Variants in ABCA3 observed in about 807,000 individuals in gnomAD.
ABCA3 encodes phospholipid-transporting ATPase ABCA3.
A neutral mutation model predicts 172.8 loss-of-function variants in ABCA3; 88 were observed. The ratio of observed to expected loss-of-function variants is 0.51; its 90% CI spans 0.43 to 0.61. ABCA3 has a LOEUF of 0.61. Among genes scored for constraint, ABCA3 ranks in the 20% least tolerant of loss-of-function variants. The pLI is 0.00. For synonymous variants in ABCA3, 1,066 were observed against 983.8 expected, an observed-to-expected ratio of 1.08 and a Z score of -1.56; for missense variants, 2,164 against 2,301.0, an observed-to-expected ratio of 0.94 and a Z score of 1.22.
rs778223758 is a variant in ABCA3 at position 2,308,617 on chromosome 16, A to T, written c.1118T>A (p.Met373Lys). The T allele has an allele frequency of 1.9e-6, 3 of 1,614,020 alleles. No homozygotes were observed. The highest frequency in any genetic ancestry group is 1.7e-6 in the Non-Finnish European group (2 of 1,179,946). ...GAGGAAGCCTCCGAAGGCTGCTGCC[A>T]TGTTGGCTGCAGGTGTTGGAAGACC... ...MVSTFFSKANMAAAFGGFLYF... is the reference protein window; with the variant it reads ...MVSTFFSKANKAAAFGGFLYF... The change falls in exon 11 of 33, where the codon ATG becomes AAG. Residue 373 changes from methionine to lysine, a missense_variant. Physicochemically the swap from Met to Lys is moderately conservative, Grantham distance 95. Around this residue, in one of 3 missense-constraint regions of ABCA3, gnomAD observed 1,343 missense variants for 1,369.6 expected, o/e 0.98. Coordinates refer to ENST00000301732, the MANE Select transcript of ABCA3 (RefSeq NM_001089.3).
intron 13 of ABCA3, 142 bp from the exon 14 acceptor site, chr16:2,299,674 G>C: frequency 7.5e-7 from 1 of 1,340,430 alleles, no homozygotes; most frequent in Non-Finnish European, 1.1e-6. Flanking sequence ...GGGACGTTTC[G>C]GGCAGATGCT....
At chr16:2,328,336 C>A in intron 3 of ABCA3, 117 bp downstream of exon 3, 3 of 335,544 alleles carry the variant, frequency 8.9e-6, no homozygotes, top group South Asian at 6.9e-5. Context: ...TCGAGACCAG[C>A]CTGGGCAACA....
chr16:2,276,819 A>G lies in ABCA3; in HGVS notation c.4984-14T>C. Reference sequence around the variant, plus strand: ...AATACCGAAAACCTTTGGGGAGCAGAAAAGTCACTGGTAGGAGAGAACAGG... The same window carrying G: ...AATACCGAAAACCTTTGGGGAGCAGGAAAGTCACTGGTAGGAGAGAACAGG... On this transcript the variant is annotated splice_polypyrimidine_tract_variant and intron_variant, in intron 32 of 32. Coordinates refer to ENST00000301732, the MANE Select transcript of ABCA3 (RefSeq NM_001089.3). The G allele has an allele frequency of 6.2e-7, 1 of 1,613,552 alleles. No homozygotes were observed. The highest frequency in any genetic ancestry group is 8.5e-7 in the Non-Finnish European group (1 of 1,179,972).
At chr16:2,301,230 CAA>C (rs1224083489) in intron 12 of ABCA3, among the ~76,000 whole-genome samples, 15 of 97,134 alleles carry the variant, frequency 1.5e-4, no homozygotes, top group Non-Finnish European at 1.7e-4. Context: ...GACTCCGTCT[CAA>C]AAAAAAAAAA....
chr16:2,303,928 T>G, intron 12 of ABCA3, 41 bp downstream of exon 12: 1 of 1,612,732 alleles, frequency 6.2e-7, no homozygotes, highest in Non-Finnish European at 8.5e-7. Context: ...ACCTCTGCAC[T>G]CAGAGAGGCG....
intron 11 of ABCA3, 90 bp downstream of exon 11, chr16:2,308,360 G>T: frequency 6.6e-7 from 1 of 1,524,280 alleles, no homozygotes. Context: ...ACCGTCCCAG[G>T]TGGAGCCTTG....
At chr16:2,310,422 AC>A (rs2093704784) in intron 10 of ABCA3, among the ~76,000 whole-genome samples, 7 of 145,430 alleles carry the variant, frequency 4.8e-5, no homozygotes, top group Admixed American at 1.4e-4. Context: ...AAACAAACAA[AC>A]AAAAAAACAA....
rs572657861 is a variant in ABCA3 at position 2,331,957 on chromosome 16, G to A, written c.-538-2103C>T. 1.6e-4 allele frequency among the ~76,000 whole-genome samples: 24 copies of A among 152,306 alleles called. No homozygotes were observed. The South Asian group carries it at 4.8e-3, about 30-fold the overall frequency. ...AAACCTTTTCCCCTCTCTATAAAAGGTTTGCTTACTGTTAAAATATTAAAC... is the reference window on the plus strand; with the variant it reads ...AAACCTTTTCCCCTCTCTATAAAAGATTTGCTTACTGTTAAAATATTAAAC... On this transcript the variant is annotated intron_variant, in intron 1 of 32. Coordinates refer to ENST00000301732, the MANE Select transcript of ABCA3 (RefSeq NM_001089.3).
At position 2,281,423 on chromosome 16, in the gene ABCA3, G is replaced by C. The variant is rs1330261631; in HGVS notation, c.4122C>G (p.Asp1374Glu). The C allele has an allele frequency of 4.3e-6, 7 of 1,613,676 alleles. No individual in the cohort carries two copies. Among genetic ancestry groups the C allele is most frequent in the Non-Finnish European group, 5.9e-6 (7 of 1,180,016 alleles). The part of the protein sequence containing the change: ...ERTRILAPSP[D>E]SLLHTPLIIK... Reference sequence around the variant, plus strand: ...TAATCAGAGGTGTGTGGAGCAGGGAGTCCGGACTGGGGGCCAGGATGCGGG... The same window carrying C: ...TAATCAGAGGTGTGTGGAGCAGGGACTCCGGACTGGGGGCCAGGATGCGGG... Residue 1374 changes from aspartate (D) to glutamate (E), a missense_variant, in exon 27 of 33, where the codon GAC (aspartate) becomes GAG (glutamate). Asp to Glu is a conservative substitution (Grantham distance 45, BLOSUM62 2). Around this residue, in one of 3 missense-constraint regions of ABCA3, gnomAD observed 795 missense variants for 881.9 expected, o/e 0.90. Coordinates refer to ENST00000301732, the MANE Select transcript of ABCA3 (RefSeq NM_001089.3). The surrounding 1 kb of genome is among the most constrained non-coding windows in gnomAD (Gnocchi z 4.7).
chr16:2,318,329 C>A (rs1485243709), intron 8 of ABCA3, among the ~76,000 whole-genome samples: 1 of 152,144 alleles, frequency 6.6e-6, no homozygotes, highest in Non-Finnish European at 1.5e-5. Context: ...ACCTGCCCCA[C>A]CAAGGAGTCA....
intron 10 of ABCA3, among the ~76,000 whole-genome samples, chr16:2,310,925 T>C (rs893985215): frequency 2.6e-5 from 4 of 152,168 alleles, no homozygotes; most frequent in Non-Finnish European, 5.9e-5. Context: ...CTTAGCAGAT[T>C]ACAGCTCGGT....
chr16:2,312,426 C>T (rs988941402), intron 10 of ABCA3, among the ~76,000 whole-genome samples: 1 of 151,834 alleles, frequency 6.6e-6, no homozygotes, highest in Non-Finnish European at 1.5e-5. Context: ...CATCCCATTT[C>T]GTCACACAGA....
In ABCA3 at chr16:2,278,914, T is replaced by G. The variant is rs1455308190; in HGVS notation, c.4547+29A>C. On this transcript the variant is annotated intron_variant, in intron 29 of 32. Transcript: ENST00000301732. This position sits in a 1 kb window ranked among gnomAD's most constrained non-coding sequence, Gnocchi z 4.4. Reference sequence around the variant, plus strand: ...GGGGACCTTGATTCTGACTCCACTCTGGGAAGGGCCAGGGCTCGGGAGGTG... The same window carrying G: ...GGGGACCTTGATTCTGACTCCACTCGGGGAAGGGCCAGGGCTCGGGAGGTG... The G allele has an allele frequency of 3.1e-6, 5 of 1,612,952 alleles. No individual in the cohort carries two copies. The African/African-American group carries it at 6.7e-5, about 22-fold the overall frequency.
chr16:2,281,387 G>C lies in ABCA3; in HGVS notation c.4158C>G (p.Leu1386=), dbSNP rs762696482. 1.9e-5 allele frequency: 31 copies of C among 1,613,598 alleles called. No individual in the cohort carries two copies. Among genetic ancestry groups the C allele is most frequent in the Non-Finnish European group, 2.5e-5 (29 of 1,180,016 alleles). Residue 1386 remains leucine (L), a synonymous_variant, in exon 27 of 33, where the codon CTC becomes CTG. Coordinates refer to ENST00000301732, the MANE Select transcript of ABCA3 (RefSeq NM_001089.3). The surrounding 1 kb of genome is among the most constrained non-coding windows in gnomAD (Gnocchi z 4.7). ...CCCCAAATTGCAAGGGTACCTTGGA[G>C]AGCTCCTTGATAATCAGAGGTGTGT... is the stretch of plus-strand genomic sequence containing the variant. ...LLHTPLIIKE[L]SKVYEQRVPL...
Position 2,297,413 on chromosome 16 carries a change from C to T in ABCA3, c.2179G>A (p.Asp727Asn). 2 of 1,613,758 alleles carry T rather than the reference C, an allele frequency of 1.2e-6. No homozygotes were observed. Among genetic ancestry groups the T allele is most frequent in the Non-Finnish European group, 1.7e-6 (2 of 1,180,012 alleles). Residue 727 changes from aspartate (D) to asparagine (N), a missense_variant, in exon 17 of 33, where the codon GAC becomes AAC. Around this residue, in one of 3 missense-constraint regions of ABCA3, gnomAD observed 1,343 missense variants for 1,369.6 expected, o/e 0.98. Coordinates refer to ENST00000301732, the MANE Select transcript of ABCA3 (RefSeq NM_001089.3). This position sits in a 1 kb window ranked among gnomAD's most constrained non-coding sequence, Gnocchi z 5.6. ...VLTTHFMDEA[D>N]LLGDRIAIMA... Reference sequence around the variant, plus strand: ...ATGGCGATGCGGTCTCCCAGCAGGTCAGCCTCGTCCATGAAGTGGGTGGTC... The same window carrying T: ...ATGGCGATGCGGTCTCCCAGCAGGTTAGCCTCGTCCATGAAGTGGGTGGTC...
At chr16:2,339,390 G>A (rs1029219923) in intron 1 of ABCA3, 3 of 152,184 alleles carry the variant, frequency 2.0e-5, no homozygotes, top group Admixed American at 2.0e-4. Flanking sequence ...GTTAGCAAAG[G>A]TTCAATTTAA....
intron 1 of ABCA3, among the ~76,000 whole-genome samples, chr16:2,337,685 C>G (rs75384472): frequency 0.011 from 1,690 of 152,256 alleles, 28 homozygotes; most frequent in African/African-American, 0.038. Flanking sequence ...TTGCACTGGC[C>G]AAGGCCAATT....
chr16:2,330,288 CAAA>C (rs562749881), intron 1 of ABCA3, among the ~76,000 whole-genome samples: 10 of 77,894 alleles, frequency 1.3e-4, no homozygotes, highest in Admixed American at 3.1e-4. Context: ...GACCCTGTCT[CAAA>C]AAAAAAAAAA....
In ABCA3 at chr16:2,328,679, C is replaced by T. The variant is rs752927789; in HGVS notation, c.-253G>A. On this transcript the variant is annotated 5_prime_UTR_variant, in exon 3 of 33. Coordinates refer to ENST00000301732, the MANE Select transcript of ABCA3 (RefSeq NM_001089.3). ...GCAGAGAGGAGTCCTTCCCGCTCAG[C>T]GTCCTTCATGTGCGGAAAAGCCTCC... 46 of 402,810 alleles carry T rather than the reference C, an allele frequency of 1.1e-4. No individual in the cohort carries two copies. In the Admixed American group the frequency reaches 1.2e-3, roughly 11 times the overall value. 25.0% of individuals were successfully genotyped at this position (402,810 alleles called of 1,614,324 possible). A position where few individuals can be genotyped will look rare whatever the true frequency, so the allele number is the denominator to read the frequency against.
Sources: gnomAD v4.1 joint callset for allele counts (sites outside exome capture counted in the v4.1 genomes callset) on GRCh38, gnomAD v4.1.1 for gene constraint, gnomAD v4.1.1 regional missense constraint, Gnocchi (gnomAD v3.1) non-coding constraint, MANE v1.5 for transcripts, NCBI Gene and HGNC (gene_info 2026-07-23, HGNC 2026-07-21) for gene names.